BLM: variants seen among roughly 807,000 people sequenced by gnomAD.
BLM encodes the protein BLM RecQ like helicase, also known as recQ-like DNA helicase BLM.
BLM carries 95 observed loss-of-function variants against 135.3 expected under a neutral mutation model. The observed-to-expected ratio is 0.70, with a 90% CI of 0.59 to 0.83. The LOEUF is 0.83. Among genes scored for constraint, BLM ranks in the 40% least tolerant of loss-of-function variants. The pLI is 0.00. For synonymous variants in BLM, 520 were observed against 589.2 expected (o/e 0.88, Z 1.70); for missense variants, 1,518 against 1,663.9 (o/e 0.91, Z 1.53).
chr15:90,767,109 G>A (rs886902557), intron 10 of BLM, 86 bp downstream of exon 10: 14 of 809,012 alleles, frequency 1.7e-5, no homozygotes, highest in South Asian at 1.3e-4. Context: ...TTTTGTATAC[G>A]TAGTGCAAAG....
At chr15:90,784,116 T>C (rs1896682548) in intron 13 of BLM, among the ~76,000 whole-genome samples, 1 of 152,180 alleles carries the variant, frequency 6.6e-6, no homozygotes, top group Non-Finnish European at 1.5e-5. Context: ...AGTTATAGTA[T>C]ATTTTATTTC....
chr15:90,755,007 A>G (rs1895781812), intron 5 of BLM, 69 bp downstream of exon 5: 3 of 1,566,636 alleles, frequency 1.9e-6, no homozygotes, highest in Non-Finnish European at 2.6e-6. Context: ...TAACACAAAG[A>G]TTGTGTTTTG....
intron 14 of BLM, among the ~76,000 whole-genome samples, chr15:90,787,286 C>T (rs1896778183): frequency 6.6e-6 from 1 of 151,824 alleles, no homozygotes; most frequent in Non-Finnish European, 1.5e-5. Flanking sequence ...ATCTCCTGAC[C>T]TCGTGATCCG....
chr15:90,807,590 A>G (rs2151197325), intron 19 of BLM, among the ~76,000 whole-genome samples: 1 of 152,174 alleles, frequency 6.6e-6, no homozygotes, highest in East Asian at 1.9e-4. Context: ...TTGCAGAGAC[A>G]GGGCCTCACT....
intron 1 of BLM, among the ~76,000 whole-genome samples, chr15:90,734,696 CAGAGAGAG>C (rs60051515): frequency 2.8e-3 from 406 of 146,090 alleles, no homozygotes; most frequent in East Asian, 5.1e-3. Context: ...CACACACACG[CAGAGAGAG>C]AGAGAGAGAG....
At chr15:90,767,759 T>C (rs1896174528) in intron 10 of BLM, among the ~76,000 whole-genome samples, 1 of 152,202 alleles carries the variant, frequency 6.6e-6, no homozygotes, top group Non-Finnish European at 1.5e-5. Context: ...AATTAGTAGA[T>C]ATCCTGTTGT....
rs1897350291 is a variant in BLM, at chr15:90,809,231, A to G, written c.3846A>G (p.Leu1282=). 6.2e-7 allele frequency: 1 copy of G among 1,614,080 alleles called. No individual in the cohort carries two copies. Among genetic ancestry groups the G allele is most frequent in the Middle Eastern group, 1.6e-4 (1 of 6,084 alleles). The change falls in exon 20 of 22, where the codon TTA becomes TTG. Residue 1282 remains leucine (L), a synonymous_variant. Transcript: ENST00000355112. The part of the protein sequence containing the change: ...EKYGAEVISV[L]QKYSEWTSPA... ...ATGGTGCGGAAGTGATTTCAGTATT[A>G]CAGAAATACTCTGAATGGACATCGC...
chr15:90,741,793 T>C lies in BLM; in HGVS notation c.-4-5596T>C, dbSNP rs28364267. On this transcript the variant is annotated intron_variant, in intron 1 of 21. Coordinates refer to ENST00000355112, the MANE Select transcript of BLM (RefSeq NM_000057.4). ...CTAGTATTTCCTTTTTCGAATATTTTTGCATTGGCAAGAGCATCCAATATG... is the reference window on the plus strand; with the variant it reads ...CTAGTATTTCCTTTTTCGAATATTTCTGCATTGGCAAGAGCATCCAATATG... 9.0e-3 allele frequency among the ~76,000 whole-genome samples: 1,369 copies of C among 152,342 alleles called. 19 individuals are homozygous for C. Among genetic ancestry groups the C allele is most frequent in the African/African-American group, 0.031 (1,280 of 41,580 alleles).
rs937992863 is a variant in BLM at position 90,758,653 on chromosome 15, C to T, written c.1088-1494C>T. ...CTCTCTCCTCTCTTCTGTCCCATCT[C>T]TCCGGGTCAAACCTCCATTTCTTTC... On this transcript the variant is annotated intron_variant, in intron 5 of 21. Transcript: ENST00000355112. Among the ~76,000 whole-genome samples, 5 of 152,316 alleles carry T rather than the reference C, an allele frequency of 3.3e-5. No homozygotes were observed. In the South Asian group the frequency reaches 8.3e-4, roughly 25 times the overall value.
intron 14 of BLM, among the ~76,000 whole-genome samples, chr15:90,787,036 CTTTTTTTTT>C (rs11366266): frequency 1.6e-4 from 9 of 57,962 alleles, no homozygotes; most frequent in East Asian, 8.9e-4. Flanking sequence ...TTAGGCATCT[CTTTTTTTTT>C]TTTTTTTTTT....
At chr15:90,729,941 G>A (rs1249068645) in intron 1 of BLM, among the ~76,000 whole-genome samples, 1 of 152,150 alleles carries the variant, frequency 6.6e-6, no homozygotes, top group Non-Finnish European at 1.5e-5. Flanking sequence ...CGCCTCCCGG[G>A]TTCAAGCGAT....
intron 1 of BLM, among the ~76,000 whole-genome samples, chr15:90,730,928 T>A (rs1895052155): frequency 6.6e-6 from 1 of 152,040 alleles, no homozygotes; most frequent in South Asian, 2.1e-4. Flanking sequence ...CAACTTGGTC[T>A]CGGTATTTTT....
chr15:90,789,982 C>G lies in BLM; in HGVS notation c.2824-667C>G, dbSNP rs1190218076. ...TTGTAAGGTCTAAGATCCGCAGTCC[C>G]TGGTGTTTTTTTTTTTTTTTTTTTT... On this transcript the variant is annotated intron_variant, in intron 14 of 21. Coordinates refer to ENST00000355112, the MANE Select transcript of BLM (RefSeq NM_000057.4). Among the ~76,000 whole-genome samples the G allele has an allele frequency of 3.1e-5, 4 of 127,176 alleles. 1 individual carries two copies. Among genetic ancestry groups the G allele is most frequent in the African/African-American group, 1.3e-4 (4 of 29,936 alleles). The allele number at this position is 127,176 out of a possible 152,430, so 83.4% of individuals were successfully genotyped here. A position where few individuals can be genotyped will look rare whatever the true frequency, so the allele number is the denominator to read the frequency against.
intron 14 of BLM, among the ~76,000 whole-genome samples, chr15:90,788,471 G>GT (rs35158343): frequency 0.081 from 7,633 of 94,184 alleles, 52 homozygotes; most frequent in East Asian, 0.097. Context: ...CCAGTGTTTT[G>GT]TTTTTTTTTT....
At chr15:90,741,124 C>A (rs1200528358) in intron 1 of BLM, among the ~76,000 whole-genome samples, 1 of 152,140 alleles carries the variant, frequency 6.6e-6, no homozygotes, top group Non-Finnish European at 1.5e-5. Flanking sequence ...TTTATTATAG[C>A]TACTTTTTAA....
chr15:90,800,541 G>A (rs1264193036), intron 17 of BLM, among the ~76,000 whole-genome samples: 4 of 152,246 alleles, frequency 2.6e-5, no homozygotes, highest in South Asian at 2.1e-4. Flanking sequence ...TAAGCTGGGC[G>A]TGGTGGCACA....
At position 90,760,082 on chromosome 15, in the gene BLM, T is replaced by C. The variant is rs1295745203; in HGVS notation, c.1088-65T>C. ...CTGGGATTACAGTCATGAGCCACCA[T>C]GCCTAGCCAAGACTTTTTTTTTTTT... On this transcript the variant is annotated intron_variant, in intron 5 of 21. Transcript: ENST00000355112. 4.7e-6 allele frequency: 7 copies of C among 1,485,698 alleles called. No homozygotes were observed. In the African/African-American group the frequency reaches 7.0e-5, roughly 15 times the overall value. 92.0% of individuals were successfully genotyped at this position (1,485,698 alleles called of 1,614,324 possible). A position where few individuals can be genotyped will look rare whatever the true frequency, so the allele number is the denominator to read the frequency against.
chr15:90,744,454 C>A (rs1445525246), intron 1 of BLM, among the ~76,000 whole-genome samples: 2 of 152,056 alleles, frequency 1.3e-5, no homozygotes, highest in African/African-American at 4.8e-5. Flanking sequence ...TTCACTGCAA[C>A]CTCTGCCTCC....
chr15:90,792,194 C>T (rs1228868467), intron 15 of BLM, among the ~76,000 whole-genome samples: 1 of 151,810 alleles, frequency 6.6e-6, no homozygotes, highest in Non-Finnish European at 1.5e-5. Flanking sequence ...CAACCTCTGC[C>T]TCCCAGATGC....
Sources: allele counts gnomAD v4.1 joint callset (sites outside exome capture counted in the v4.1 genomes callset), GRCh38; gene constraint gnomAD v4.1.1; transcripts MANE v1.5; gene names NCBI Gene and HGNC (gene_info 2026-07-23, HGNC 2026-07-21).